The following KIRREL3 variants were observed in gnomAD, a reference collection of about 807,000 sequenced individuals.
KIRREL3 encodes kin of IRRE-like protein 3.
A neutral mutation model predicts 89.7 loss-of-function variants in KIRREL3; 36 were observed. The observed-to-expected ratio is 0.40, with a 90% CI of 0.31 to 0.53. The LOEUF (loss-of-function observed/expected upper bound fraction) is 0.53, where lower values mean the gene tolerates loss of function less well. Ranked by LOEUF, KIRREL3 falls within the 20% of genes least tolerant of loss-of-function variation. The probability of loss-of-function intolerance (pLI) is 0.49; values close to 1 mark genes in which losing one functional copy is unlikely to be tolerated. For synonymous variants in KIRREL3, 445 were observed against 441.4 expected (o/e 1.01, Z -0.10); for missense variants, 864 against 1,056.6 (o/e 0.82, Z 2.53).
chr11:126,751,208 C>G (rs1309039289), intron 1 of KIRREL3, among the ~76,000 whole-genome samples: 1 of 152,216 alleles, frequency 6.6e-6, no homozygotes, highest in Non-Finnish European at 1.5e-5. Context: ...ATCCACTCCT[C>G]TAGGTCTAAA....
chr11:126,505,624 T>A (rs1189783816), intron 4 of KIRREL3, among the ~76,000 whole-genome samples: 1 of 152,100 alleles, frequency 6.6e-6, no homozygotes, highest in African/African-American at 2.4e-5. Flanking sequence ...AAAAATTAAT[T>A]GTGTGTATAT....
rs1306220627 is a variant in KIRREL3 at position 126,459,328 on chromosome 11, A to G, written c.743-2874T>C. On this transcript the variant is annotated intron_variant, in intron 6 of 16. Coordinates refer to ENST00000525144, the MANE Select transcript of KIRREL3 (RefSeq NM_032531.4). The surrounding 1 kb of genome is among the most constrained non-coding windows in gnomAD (Gnocchi z 4.8). ...CCTTCCTGCTGCCCGATGCCTCATC[A>G]CGCCCCTGCCATGATCAGCTCACTC... is the stretch of plus-strand genomic sequence containing the variant. Among the ~76,000 whole-genome samples the G allele has an allele frequency of 1.3e-5, 2 of 152,014 alleles. No homozygotes were observed. The highest frequency in any genetic ancestry group is 4.8e-5 in the African/African-American group (2 of 41,376).
chr11:126,708,724 C>T lies in KIRREL3; in HGVS notation c.56-145812G>A, dbSNP rs1947640100. 6.6e-6 allele frequency among the ~76,000 whole-genome samples: 1 copy of T among 152,152 alleles called. No homozygotes were observed. Among genetic ancestry groups the T allele is most frequent in the African/African-American group, 2.4e-5 (1 of 41,436 alleles). On this transcript the variant is annotated intron_variant, in intron 1 of 16. Transcript: ENST00000525144. The surrounding 1 kb of genome is among the most constrained non-coding windows in gnomAD (Gnocchi z 5.7). ...CCCATTTCTCCGGGGCCTCCAGGGC[C>T]CTCCCGCACATTCAGCATGATCTCT...
intron 1 of KIRREL3, among the ~76,000 whole-genome samples, chr11:126,957,904 G>C (rs534723888): frequency 6.6e-6 from 1 of 152,194 alleles, no homozygotes; most frequent in Non-Finnish European, 1.5e-5. Context: ...AAAATGGTCA[G>C]GGTGCCATCT....
At chr11:126,482,685 C>A (rs556393884) in intron 4 of KIRREL3, among the ~76,000 whole-genome samples, 1 of 152,304 alleles carries the variant, frequency 6.6e-6, no homozygotes, top group Admixed American at 6.5e-5. Flanking sequence ...AAGCAGAGGT[C>A]TATGTCCTTT....
At position 126,797,861 on chromosome 11, in the gene KIRREL3, A is replaced by G. The variant is rs899598924; in HGVS notation, c.55+202594T>C. Among the ~76,000 whole-genome samples, 2 of 152,178 alleles carry G rather than the reference A, an allele frequency of 1.3e-5. No individual in the cohort carries two copies. Among genetic ancestry groups the G allele is most frequent in the Admixed American group, 1.3e-4 (2 of 15,288 alleles). On this transcript the variant is annotated intron_variant, in intron 1 of 16. Transcript: ENST00000525144. This position sits in a 1 kb window ranked among gnomAD's most constrained non-coding sequence, Gnocchi z 4.9. ...CACTCCAGAATGCAAAGAAAAATGA[A>G]ATAATTGCATTCTGACTTGCTCAAA...
rs760613887 is a variant in KIRREL3 at position 126,515,678 on chromosome 11, G to A, written c.433+5637C>T. On this transcript the variant is annotated intron_variant, in intron 4 of 16. Coordinates refer to ENST00000525144, the MANE Select transcript of KIRREL3 (RefSeq NM_032531.4). This position sits in a 1 kb window ranked among gnomAD's most constrained non-coding sequence, Gnocchi z 4.2. ...GGAGATGCCAGCTGCTTGTTAGTGC[G>A]GGAGCAGGTTGGCGGTGGGTCTGAG... 1.3e-5 allele frequency among the ~76,000 whole-genome samples: 2 copies of A among 152,186 alleles called. No individual in the cohort carries two copies. Among genetic ancestry groups the A allele is most frequent in the Non-Finnish European group, 1.5e-5 (1 of 68,030 alleles).
intron 1 of KIRREL3, among the ~76,000 whole-genome samples, chr11:126,634,507 C>T (rs767092448): frequency 9.9e-5 from 15 of 152,178 alleles, no homozygotes; most frequent in Non-Finnish European, 1.9e-4. Flanking sequence ...CTAATGGACT[C>T]GGAACAAGTC....
chr11:126,591,518 C>G (rs1942131140), intron 1 of KIRREL3, among the ~76,000 whole-genome samples: 1 of 152,184 alleles, frequency 6.6e-6, no homozygotes, highest in African/African-American at 2.4e-5. Flanking sequence ...CTACATCTTG[C>G]CCAAGATCTC....
In KIRREL3 at chr11:126,624,259, A is replaced by T. The variant is rs1943689592; in HGVS notation, c.56-61347T>A. 1.3e-5 allele frequency among the ~76,000 whole-genome samples: 2 copies of T among 152,286 alleles called. No individual in the cohort carries two copies. Among genetic ancestry groups the T allele is most frequent in the South Asian group, 4.2e-4 (2 of 4,816 alleles). On this transcript the variant is annotated intron_variant, in intron 1 of 16. Transcript: ENST00000525144. This position sits in a 1 kb window ranked among gnomAD's most constrained non-coding sequence, Gnocchi z 6.0. Reference sequence around the variant, plus strand: ...GATAGGAGGATCAGAGAATGGTGATAAGTTTGTACAGGTGGGATCATCAGT... The same window carrying T: ...GATAGGAGGATCAGAGAATGGTGATTAGTTTGTACAGGTGGGATCATCAGT...
At chr11:126,671,086 A>G (rs141782616) in intron 1 of KIRREL3, among the ~76,000 whole-genome samples, 106 of 152,344 alleles carry the variant, frequency 7.0e-4, no homozygotes, top group Non-Finnish European at 1.3e-3. Flanking sequence ...TCTATATTAG[A>G]AACAGAGACT....
chr11:126,515,601 C>A lies in KIRREL3; in HGVS notation c.433+5714G>T, dbSNP rs1361497053. On this transcript the variant is annotated intron_variant, in intron 4 of 16. Transcript: ENST00000525144. This position sits in a 1 kb window ranked among gnomAD's most constrained non-coding sequence, Gnocchi z 4.2. ...CAAGGGAAGAAAGGTAGGAAGGGCA[C>A]TCCAGGAAGAAACACAGTGTGAATG... Among the ~76,000 whole-genome samples the A allele has an allele frequency of 6.6e-6, 1 of 152,140 alleles. No individual in the cohort carries two copies. Among genetic ancestry groups the A allele is most frequent in the Non-Finnish European group, 1.5e-5 (1 of 68,022 alleles).
intron 1 of KIRREL3, among the ~76,000 whole-genome samples, chr11:126,726,923 G>A (rs987153626): frequency 2.0e-5 from 3 of 152,164 alleles, no homozygotes; most frequent in Non-Finnish European, 2.9e-5. Context: ...GCTCTTGAAC[G>A]GTTCTACCTC....
chr11:126,829,281 G>T (rs554226798), intron 1 of KIRREL3, among the ~76,000 whole-genome samples: 1 of 152,266 alleles, frequency 6.6e-6, no homozygotes, highest in East Asian at 1.9e-4. Context: ...AAGCCAAGAG[G>T]GTTTTTCTGC....
rs1946856440 is a variant in KIRREL3, at chr11:126,912,292, G to T, written c.55+88163C>A. 6.6e-6 allele frequency among the ~76,000 whole-genome samples: 1 copy of T among 152,172 alleles called. No individual in the cohort carries two copies. The highest frequency in any genetic ancestry group is 2.1e-4 in the South Asian group (1 of 4,828). ...CTAAACCGGCCGAGAGTGGCTCTGA[G>T]GACCTGCAGGTGCTGCCCACATGTG... On this transcript the variant is annotated intron_variant, in intron 1 of 16. Transcript: ENST00000525144. This position sits in a 1 kb window ranked among gnomAD's most constrained non-coding sequence, Gnocchi z 4.7.
At chr11:126,494,087 C>G (rs1285482076) in intron 4 of KIRREL3, among the ~76,000 whole-genome samples, 2 of 152,144 alleles carry the variant, frequency 1.3e-5, no homozygotes, top group Admixed American at 1.3e-4. Context: ...GAAAATATCA[C>G]AATTTTAAGT....
rs1353973965 is a variant in KIRREL3, at chr11:126,773,794, T to C, written c.56-210882A>G. On this transcript the variant is annotated intron_variant, in intron 1 of 16. Coordinates refer to ENST00000525144, the MANE Select transcript of KIRREL3 (RefSeq NM_032531.4). The surrounding 1 kb of genome is among the most constrained non-coding windows in gnomAD (Gnocchi z 4.2). ...AAATACTGAATCTGGCAGATAGTGT[T>C]TAGTGAGTGATGCATAGATGAAAAG... Among the ~76,000 whole-genome samples, 1 of 152,214 alleles carries C rather than the reference T, an allele frequency of 6.6e-6. No homozygotes were observed. Among genetic ancestry groups the C allele is most frequent in the Non-Finnish European group, 1.5e-5 (1 of 68,036 alleles).
Position 126,594,678 on chromosome 11 carries a change from C to T in KIRREL3, c.56-31766G>A, listed in dbSNP as rs1223221043. Among the ~76,000 whole-genome samples the T allele has an allele frequency of 2.0e-5, 3 of 152,144 alleles. No homozygotes were observed. The highest frequency in any genetic ancestry group is 4.4e-5 in the Non-Finnish European group (3 of 68,034). ...GCAGAAACTATCTCTAAGGCCAGCT[C>T]TTAAATTCTCTAACCCATGCTCCTG... On this transcript the variant is annotated intron_variant, in intron 1 of 16. Transcript: ENST00000525144. This position sits in a 1 kb window ranked among gnomAD's most constrained non-coding sequence, Gnocchi z 5.0.
chr11:126,572,581 C>A (rs796533211), intron 1 of KIRREL3, among the ~76,000 whole-genome samples: 1 of 85,806 alleles, frequency 1.2e-5, no homozygotes, highest in Non-Finnish European at 2.3e-5. Context: ...GACCCCCCCC[C>A]CGCCAAGCAG....
Sources: gnomAD v4.1 joint callset for allele counts (sites outside exome capture counted in the v4.1 genomes callset) on GRCh38, gnomAD v4.1.1 for gene constraint, Gnocchi (gnomAD v3.1) non-coding constraint, MANE v1.5 for transcripts, NCBI Gene and HGNC (gene_info 2026-07-23, HGNC 2026-07-21) for gene names.